The following GABRG3 variants were observed in gnomAD, a reference collection of about 807,000 sequenced individuals.
GABRG3 encodes gamma-aminobutyric acid type A receptor subunit gamma3.
In GABRG3, 25 loss-of-function variants were observed where a neutral mutation model predicts 48.8. The observed-to-expected ratio is 0.51, with a 90% confidence interval of 0.37 to 0.72. The LOEUF is 0.72. Among genes scored for constraint, GABRG3 ranks in the 30% least tolerant of loss-of-function variants. The pLI, the probability that GABRG3 is intolerant of heterozygous loss-of-function variation, is 0.00. For missense variants in GABRG3, 394 were observed against 577.9 expected (o/e 0.68, Z 3.26); for synonymous variants, 227 against 217.6 (o/e 1.04, Z -0.38).
At chr15:27,322,298 C>G (rs1453761627) in intron 3 of GABRG3, among the ~76,000 whole-genome samples, 1 of 152,194 alleles carries the variant, frequency 6.6e-6, no homozygotes, top group Admixed American at 6.5e-5. Flanking sequence ...GAAGAGCTTG[C>G]ACCCGGAACA....
intron 5 of GABRG3, among the ~76,000 whole-genome samples, chr15:27,458,610 A>T (rs1178837636): frequency 1.3e-5 from 2 of 152,150 alleles, no homozygotes; most frequent in African/African-American, 2.4e-5. Flanking sequence ...TTCGAATCAG[A>T]GATTGGGTGG....
chr15:27,307,055 A>G (rs1430990683), intron 3 of GABRG3, among the ~76,000 whole-genome samples: 4 of 126,258 alleles, frequency 3.2e-5, no homozygotes, highest in East Asian at 4.5e-4. Context: ...ATGTTTATAT[A>G]TAAACATGTA....
chr15:27,464,926 T>G (rs1014254503), intron 5 of GABRG3, among the ~76,000 whole-genome samples: 2 of 152,252 alleles, frequency 1.3e-5, no homozygotes, highest in African/African-American at 4.8e-5. Context: ...TAAATTTGCA[T>G]TGACTTTTTT....
At chr15:27,441,426 C>A (rs900702121) in intron 5 of GABRG3, among the ~76,000 whole-genome samples, 4 of 152,184 alleles carry the variant, frequency 2.6e-5, no homozygotes, top group Non-Finnish European at 5.9e-5. Context: ...TTTGTTTCTT[C>A]ATGTTTGACA....
At chr15:26,990,377 G>T (rs183232888) in intron 2 of GABRG3, among the ~76,000 whole-genome samples, 1 of 152,178 alleles carries the variant, frequency 6.6e-6, no homozygotes, top group African/African-American at 2.4e-5. Context: ...TATCAGTGAT[G>T]TTGAGCATCT....
chr15:27,034,690 G>C (rs1896145491), intron 3 of GABRG3, among the ~76,000 whole-genome samples: 1 of 152,130 alleles, frequency 6.6e-6, no homozygotes, highest in Non-Finnish European at 1.5e-5. Context: ...ATGAGCCCTG[G>C]ACCAAGGCCC....
At chr15:27,501,500 C>T (rs1004431236) in intron 6 of GABRG3, among the ~76,000 whole-genome samples, 1 of 152,084 alleles carries the variant, frequency 6.6e-6, no homozygotes, top group Non-Finnish European at 1.5e-5. Flanking sequence ...GCCCTTCTCC[C>T]AGATATAATA....
chr15:27,246,076 A>G (rs984849978), intron 3 of GABRG3, among the ~76,000 whole-genome samples: 2 of 152,002 alleles, frequency 1.3e-5, no homozygotes, highest in Non-Finnish European at 2.9e-5. Context: ...CATCACTGCC[A>G]GGCACTCATG....
chr15:27,506,586 T>G (rs1196557466), intron 6 of GABRG3, among the ~76,000 whole-genome samples: 1 of 152,154 alleles, frequency 6.6e-6, no homozygotes, highest in Non-Finnish European at 1.5e-5. Flanking sequence ...CAGAAAAGAA[T>G]GCAGCCCTGC....
At chr15:27,516,074 C>T (rs1891011373) in intron 6 of GABRG3, among the ~76,000 whole-genome samples, 1 of 148,568 alleles carries the variant, frequency 6.7e-6, no homozygotes. Flanking sequence ...TAATGTGGCC[C>T]ACAAGATGTT....
intron 3 of GABRG3, among the ~76,000 whole-genome samples, chr15:27,202,716 C>T (rs553031953): frequency 6.6e-6 from 1 of 152,182 alleles, no homozygotes; most frequent in African/African-American, 2.4e-5. Flanking sequence ...TCGTGAATTG[C>T]CTATCATATT....
At chr15:27,383,779 T>C (rs1266832300) in intron 5 of GABRG3, among the ~76,000 whole-genome samples, 2 of 152,356 alleles carry the variant, frequency 1.3e-5, no homozygotes, top group South Asian at 2.1e-4. Flanking sequence ...GAAAAACGTG[T>C]TAATTCCAAA....
At chr15:27,098,705 T>G (rs949145338) in intron 3 of GABRG3, among the ~76,000 whole-genome samples, 1 of 152,046 alleles carries the variant, frequency 6.6e-6, no homozygotes, top group Non-Finnish European at 1.5e-5. Context: ...CCAAGTAAAT[T>G]AGAAATTCTT....
chr15:27,306,404 AAT>A (rs1892450817), intron 3 of GABRG3, among the ~76,000 whole-genome samples: 2 of 140,456 alleles, frequency 1.4e-5, no homozygotes. Flanking sequence ...ACATATATAT[AAT>A]ATAAACATGT....
At chr15:27,308,995 C>T (rs555017209) in intron 3 of GABRG3, among the ~76,000 whole-genome samples, 41 of 149,816 alleles carry the variant, frequency 2.7e-4, no homozygotes, top group Non-Finnish European at 6.0e-4. Context: ...TATGAAAACA[C>T]ATATAATGTA....
chr15:27,174,647 A>C (rs1290255404), intron 3 of GABRG3, among the ~76,000 whole-genome samples: 1 of 150,288 alleles, frequency 6.7e-6, no homozygotes, highest in Non-Finnish European at 1.5e-5. Flanking sequence ...CTCTCATTAT[A>C]AACTTGTAGG....
At chr15:27,175,042 A>G (rs1887703353) in intron 3 of GABRG3, among the ~76,000 whole-genome samples, 1 of 152,070 alleles carries the variant, frequency 6.6e-6, no homozygotes, top group South Asian at 2.1e-4. Flanking sequence ...TTGGCCCCTA[A>G]TCCTGTGTCT....
intron 1 of GABRG3, 90 bp downstream of exon 1, chr15:26,971,678 A>G (rs1894847995): frequency 1.4e-6 from 2 of 1,391,610 alleles, no homozygotes; most frequent in South Asian, 3.1e-5. Flanking sequence ...CTGGCGCGCC[A>G]GCCGTCGGCT....
At chr15:26,987,606 C>T (rs1379152497) in intron 2 of GABRG3, among the ~76,000 whole-genome samples, 3 of 152,132 alleles carry the variant, frequency 2.0e-5, no homozygotes, top group Non-Finnish European at 4.4e-5. Flanking sequence ...ACGTCAGAAC[C>T]GCCGGAAGAG....
Sources: gnomAD v4.1 joint callset for allele counts (sites outside exome capture counted in the v4.1 genomes callset) on GRCh38, gnomAD v4.1.1 for gene constraint, MANE v1.5 for transcripts, NCBI Gene and HGNC (gene_info 2026-07-23, HGNC 2026-07-21) for gene names.